NFATC2: variants seen among roughly 807,000 people sequenced by gnomAD.
NFATC2 encodes the protein nuclear factor of activated T-cells, cytoplasmic 2.
In NFATC2, 22 loss-of-function variants were observed where a neutral mutation model predicts 87.3. That is an observed-to-expected ratio of 0.25 (90% CI 0.18 to 0.36). The LOEUF (loss-of-function observed/expected upper bound fraction) is 0.36, where lower values mean the gene tolerates loss of function less well. Ranked by LOEUF, NFATC2 falls within the 10% of genes least tolerant of loss-of-function variation. NFATC2 has a pLI of 1.00. For synonymous variants in NFATC2, 565 were observed against 542.2 expected (o/e 1.04, Z -0.58); for missense variants, 1,149 against 1,259.1 (o/e 0.91, Z 1.32).
intron 10 of NFATC2, 76 bp downstream of exon 10, chr20:51,398,567 A>T: frequency 2.3e-6 from 2 of 883,116 alleles, no homozygotes; most frequent in South Asian, 1.7e-5. Flanking sequence ...CTTATACTTT[A>T]CTTAAAAAAA....
rs761099662 is a variant in NFATC2, at chr20:51,398,680, T to C, written c.*7A>G. The C allele has an allele frequency of 6.2e-6, 10 of 1,613,122 alleles. No homozygotes were observed. The East Asian group carries it at 2.2e-4, about 36-fold the overall frequency. On this transcript the variant is annotated 3_prime_UTR_variant, in exon 10 of 11. Coordinates refer to ENST00000371564, the MANE Select transcript of NFATC2 (RefSeq NM_012340.5). ...TTTCTCGGATCAAAGATCACAGTCA[T>C]TCTGTTTCATAATATGTTTTGTATC...
At chr20:51,532,446 T>C (rs1402678977) in intron 1 of NFATC2, among the ~76,000 whole-genome samples, 2 of 152,140 alleles carry the variant, frequency 1.3e-5, no homozygotes, top group Non-Finnish European at 2.9e-5. Flanking sequence ...GGGGGCCTCA[T>C]CATTTCACTC....
chr20:51,483,426 C>A (rs2146548404), intron 3 of NFATC2, among the ~76,000 whole-genome samples: 1 of 152,016 alleles, frequency 6.6e-6, no homozygotes, highest in African/African-American at 2.4e-5. Flanking sequence ...AAGAAAAAGC[C>A]CAGGGTGGGG....
intron 3 of NFATC2, among the ~76,000 whole-genome samples, chr20:51,479,244 C>T (rs530792878): frequency 1.0e-3 from 154 of 152,296 alleles, no homozygotes; most frequent in African/African-American, 1.5e-3. Flanking sequence ...CCTGCCTGAA[C>T]GTGAGTTTCA....
intron 3 of NFATC2, among the ~76,000 whole-genome samples, chr20:51,500,707 C>A (rs1373508405): frequency 1.3e-5 from 1 of 76,154 alleles, no homozygotes; most frequent in East Asian, 4.8e-4. Context: ...CACTCACCAC[C>A]CCGCACCTCT....
rs778045810 is a variant in NFATC2 at position 51,391,475 on chromosome 20, G to GT, written c.*45-25_*45-24insA. The GT allele has an allele frequency of 5.9e-5, 93 of 1,587,978 alleles. No homozygotes were observed. The African/African-American group carries it at 9.4e-4, about 16-fold the overall frequency. ...AACTACAAAAGAAAAGAGGAGGGGG[G>GT]GGGAGAGAGAATGGGGCAAGTGAGA... On this transcript the variant is annotated intron_variant, in intron 10 of 10. Coordinates refer to ENST00000371564, the MANE Select transcript of NFATC2 (RefSeq NM_012340.5).
At chr20:51,449,048 TA>T (rs996576807) in intron 6 of NFATC2, among the ~76,000 whole-genome samples, 1 of 152,114 alleles carries the variant, frequency 6.6e-6, no homozygotes, top group Non-Finnish European at 1.5e-5. Flanking sequence ...TCGACAGCTA[TA>T]AAAAGAACAT....
intron 8 of NFATC2, among the ~76,000 whole-genome samples, chr20:51,433,766 T>C (rs1358949639): frequency 2.6e-5 from 4 of 151,312 alleles, no homozygotes; most frequent in African/African-American, 9.7e-5. Context: ...TGCATGTGTG[T>C]GTGTGTGTGT....
intron 2 of NFATC2, among the ~76,000 whole-genome samples, chr20:51,522,090 A>C (rs988276117): frequency 6.6e-6 from 1 of 152,208 alleles, no homozygotes. Flanking sequence ...TGCAAATACT[A>C]TACCATTTTA....
intron 9 of NFATC2, 64 bp from the exon 10 acceptor site, chr20:51,398,794 C>CGCTTCCAACTCATGCCG: frequency 8.9e-7 from 1 of 1,123,968 alleles, no homozygotes; most frequent in Non-Finnish European, 1.3e-6. Flanking sequence ...ATCTCTCTTA[C>CGCTTCCAACTCATGCCG]GCTTCCAACT....
At chr20:51,424,440 T>C (rs1487850626) in intron 9 of NFATC2, among the ~76,000 whole-genome samples, 1 of 152,188 alleles carries the variant, frequency 6.6e-6, no homozygotes, top group African/African-American at 2.4e-5. Context: ...CAGCAACTAC[T>C]GAACCCTCAC....
chr20:51,428,132 G>T (rs1368482769), intron 9 of NFATC2, among the ~76,000 whole-genome samples: 1 of 152,086 alleles, frequency 6.6e-6, no homozygotes, highest in Non-Finnish European at 1.5e-5. Flanking sequence ...AGGACAGGGA[G>T]GGTTGGGGAG....
intron 5 of NFATC2, among the ~76,000 whole-genome samples, chr20:51,458,541 G>A (rs952854582): frequency 6.6e-6 from 1 of 151,610 alleles, no homozygotes; most frequent in African/African-American, 2.4e-5. Context: ...GCTCACGCCT[G>A]TAATCCTAGC....
chr20:51,433,050 C>G (rs1019077274), intron 8 of NFATC2, among the ~76,000 whole-genome samples: 6 of 152,242 alleles, frequency 3.9e-5, no homozygotes, highest in African/African-American at 1.4e-4. Context: ...CTCCAGGTGA[C>G]AGCTCAGAGG....
At chr20:51,403,094 T>C (rs1988216970) in intron 9 of NFATC2, among the ~76,000 whole-genome samples, 1 of 152,146 alleles carries the variant, frequency 6.6e-6, no homozygotes, top group African/African-American at 2.4e-5. Flanking sequence ...CAAGCGCACG[T>C]CCTGGAAGCA....
chr20:51,432,071 A>T lies in NFATC2; in HGVS notation c.2718T>A (p.Asp906Glu), dbSNP rs1434032376. ...GACAAAACTCAAGCGTCTTACCATCATCCAAGTAGGTCTGGTCCAAGTTCT... is the reference window on the plus strand; with the variant it reads ...GACAAAACTCAAGCGTCTTACCATCTTCCAAGTAGGTCTGGTCCAAGTTCT... ...QEQNLDQTYLDDELIDTHLSW... is the reference protein window; with the variant it reads ...QEQNLDQTYLEDELIDTHLSW... Residue 906 changes from aspartate to glutamate, a missense_variant, in exon 9 of 11, where the codon GAT becomes GAA. By Grantham distance (45) the Asp-to-Glu change is conservative. This residue lies in a region of NFATC2 where 581 missense variants were observed against 649.7 expected (regional missense o/e 0.89). Coordinates refer to ENST00000371564, the MANE Select transcript of NFATC2 (RefSeq NM_012340.5). This position sits in a 1 kb window ranked among gnomAD's most constrained non-coding sequence, Gnocchi z 4.6. 6.6e-7 allele frequency: 1 copy of T among 1,520,572 alleles called. No individual in the cohort carries two copies. Among genetic ancestry groups the T allele is most frequent in the Non-Finnish European group, 8.8e-7 (1 of 1,132,546 alleles). The allele number at this position is 1,520,572 out of a possible 1,614,324, so 94.2% of individuals were successfully genotyped here. A position where few individuals can be genotyped will look rare whatever the true frequency, so the allele number is the denominator to read the frequency against.
intron 10 of NFATC2, 116 bp downstream of exon 10, chr20:51,398,527 G>A: frequency 3.1e-6 from 2 of 642,340 alleles, no homozygotes; most frequent in Non-Finnish European, 5.3e-6. Context: ...AGGAGAATGA[G>A]AAGAGAGGGC....
intron 2 of NFATC2, 116 bp downstream of exon 2, chr20:51,522,965 G>T: frequency 7.1e-7 from 1 of 1,408,386 alleles, no homozygotes; most frequent in Non-Finnish European, 9.6e-7. Flanking sequence ...GCCAAGCCAA[G>T]ATTTAAATCC....
intron 1 of NFATC2, among the ~76,000 whole-genome samples, chr20:51,535,236 A>C (rs2076700361): frequency 6.6e-6 from 1 of 152,226 alleles, no homozygotes. Flanking sequence ...GGCCTGCAGA[A>C]GATGACATGA....
Sources: allele counts gnomAD v4.1 joint callset (sites outside exome capture counted in the v4.1 genomes callset), GRCh38; gene constraint gnomAD v4.1.1; regional missense constraint gnomAD v4.1.1; non-coding constraint Gnocchi (gnomAD v3.1); transcripts MANE v1.5; gene names NCBI Gene and HGNC (gene_info 2026-07-23, HGNC 2026-07-21).